SCD5: variants seen among roughly 807,000 people sequenced by gnomAD.
SCD5 encodes the protein stearoyl-CoA desaturase 5.
Under a neutral mutation model 30.4 loss-of-function variants are expected in SCD5, and 20 were observed. The ratio of observed to expected loss-of-function variants is 0.66; its 90% confidence interval spans 0.46 to 0.96. The LOEUF is 0.96. Ranked by LOEUF, SCD5 falls within the 40% of genes least tolerant of loss-of-function variation. The pLI is 0.00. For missense variants in SCD5, 381 were observed against 443.3 expected, an observed-to-expected ratio of 0.86 and a Z score of 1.26; for synonymous variants, 173 against 176.4, an observed-to-expected ratio of 0.98 and a Z score of 0.16.
At chr4:82,738,041 G>A (rs1720789708) in intron 1 of SCD5, among the ~76,000 whole-genome samples, 1 of 150,120 alleles carries the variant, frequency 6.7e-6, no homozygotes, top group South Asian at 2.1e-4. Context: ...AAAAATAAGA[G>A]CTGTACAAAA....
chr4:82,771,586 C>T (rs1332497577), intron 1 of SCD5, among the ~76,000 whole-genome samples: 3 of 152,114 alleles, frequency 2.0e-5, no homozygotes, highest in Non-Finnish European at 4.4e-5. Flanking sequence ...AAATATTTTG[C>T]TTAAAATCAC....
chr4:82,650,525 G>T (rs912484230), intron 3 of SCD5, among the ~76,000 whole-genome samples: 2 of 152,090 alleles, frequency 1.3e-5, no homozygotes, highest in Non-Finnish European at 2.9e-5. Context: ...GCAAAACCGC[G>T]TCTCTACAAA....
At chr4:82,657,583 C>T (rs549688355) in intron 3 of SCD5, among the ~76,000 whole-genome samples, 30 of 152,286 alleles carry the variant, frequency 2.0e-4, no homozygotes, top group African/African-American at 7.2e-4. Flanking sequence ...GTTATACAGG[C>T]TCTTTTTTGG....
chr4:82,767,066 C>T (rs1281924077), intron 1 of SCD5, among the ~76,000 whole-genome samples: 1 of 152,158 alleles, frequency 6.6e-6, no homozygotes, highest in Non-Finnish European at 1.5e-5. Context: ...GTTTTCCATT[C>T]CGGCTGGTGG....
At chr4:82,761,214 A>G (rs548172992) in intron 1 of SCD5, among the ~76,000 whole-genome samples, 1 of 152,374 alleles carries the variant, frequency 6.6e-6, no homozygotes, top group Non-Finnish European at 1.5e-5. Flanking sequence ...AACTGCTGCC[A>G]CTATTCTCAT....
rs756050259 is a variant in SCD5, at chr4:82,680,751, G to A, written c.525C>T (p.Asp175=). 2.6e-5 allele frequency: 42 copies of A among 1,613,986 alleles called. No individual in the cohort carries two copies. The Admixed American group carries it at 2.8e-4, about 11-fold the overall frequency. The part of the protein sequence containing the change: ...RDVIEKGRKL[D]VTDLLADPVV... Reference sequence around the variant, plus strand: ...CAGGATCAGCAAGCAGGTCAGTGACGTCAAGCTTTCTCCCCTTCTCAATAA... The same window carrying A: ...CAGGATCAGCAAGCAGGTCAGTGACATCAAGCTTTCTCCCCTTCTCAATAA... The change falls in exon 3 of 5, where the codon GAC becomes GAT. Residue 175 remains aspartate, a synonymous_variant. Transcript: ENST00000319540.
intron 3 of SCD5, among the ~76,000 whole-genome samples, chr4:82,666,166 A>G (rs1396730363): frequency 6.6e-6 from 1 of 152,194 alleles, no homozygotes; most frequent in East Asian, 1.9e-4. Context: ...ATGTCTTACC[A>G]TATGGGAAAA....
At chr4:82,694,645 G>C (rs536240349) in intron 2 of SCD5, among the ~76,000 whole-genome samples, 1 of 150,232 alleles carries the variant, frequency 6.7e-6, no homozygotes, top group South Asian at 2.1e-4. Flanking sequence ...TGGCAACTTT[G>C]AATCAATAAC....
chr4:82,698,108 C>A (rs1324042195), intron 2 of SCD5: 2 of 456,590 alleles, frequency 4.4e-6, no homozygotes, highest in South Asian at 3.1e-5. Context: ...AGAAAACCAA[C>A]AACACCCACC....
chr4:82,720,441 T>TACAAAAAAAAAAAAAAA lies in SCD5; in HGVS notation c.233-15029_233-15028insTTTTTTTTTTTTTTTGT, dbSNP rs778480466. Among the ~76,000 whole-genome samples the TACAAAAAAAAAAAAAAA allele has an allele frequency of 6.4e-3, 496 of 77,400 alleles. 21 individuals are homozygous for TACAAAAAAAAAAAAAAA. Among genetic ancestry groups the TACAAAAAAAAAAAAAAA allele is most frequent in the Non-Finnish European group, 7.1e-3 (300 of 42,034 alleles). The allele number at this position is 77,400 out of a possible 152,430, so 50.8% of individuals were successfully genotyped here. On this transcript the variant is annotated intron_variant, in intron 1 of 4. Transcript: ENST00000319540. ...GATGCTGTCTCAAAAAAGGCAAAAA[T>TACAAAAAAAAAAAAAAA]AAAAAAAAAAAAAAAAAAAAAAGAC...
At chr4:82,738,457 ATTAT>A (rs560089318) in intron 1 of SCD5, among the ~76,000 whole-genome samples, 8 of 152,228 alleles carry the variant, frequency 5.3e-5, no homozygotes, top group African/African-American at 1.7e-4. Flanking sequence ...ATGGCTTTTG[ATTAT>A]TTATTTTTTT....
intron 3 of SCD5, among the ~76,000 whole-genome samples, chr4:82,670,341 A>G (rs1560529541): frequency 6.6e-6 from 1 of 152,046 alleles, no homozygotes; most frequent in Non-Finnish European, 1.5e-5. Context: ...CAAAGAAATG[A>G]TAGAGATAAA....
intron 4 of SCD5, among the ~76,000 whole-genome samples, chr4:82,635,717 G>A (rs1432825508): frequency 1.3e-5 from 2 of 151,196 alleles, no homozygotes; most frequent in African/African-American, 2.4e-5. Context: ...TAATGACCCA[G>A]GAGGAGGTAA....
chr4:82,663,657 T>G (rs934859300), intron 3 of SCD5, among the ~76,000 whole-genome samples: 1 of 152,222 alleles, frequency 6.6e-6, no homozygotes, highest in African/African-American at 2.4e-5. Flanking sequence ...AATGGAACAC[T>G]AGGCATAAAT....
chr4:82,696,748 TA>T (rs950235056), intron 2 of SCD5, among the ~76,000 whole-genome samples: 1 of 152,156 alleles, frequency 6.6e-6, no homozygotes, highest in Non-Finnish European at 1.5e-5. Context: ...AGCAGCAGCA[TA>T]AGAGTGTCTG....
intron 1 of SCD5, among the ~76,000 whole-genome samples, chr4:82,730,830 T>C (rs1434242905): frequency 1.3e-5 from 2 of 152,050 alleles, no homozygotes; most frequent in East Asian, 1.9e-4. Flanking sequence ...GTAATCCGCT[T>C]GCCTCGGCCT....
chr4:82,734,389 G>A (rs572151125), intron 1 of SCD5, among the ~76,000 whole-genome samples: 1 of 152,238 alleles, frequency 6.6e-6, no homozygotes, highest in African/African-American at 2.4e-5. Context: ...GACTTTCTCC[G>A]ACATCCACTC....
chr4:82,719,628 C>T lies in SCD5; in HGVS notation c.233-14215G>A, dbSNP rs571239446. Among the ~76,000 whole-genome samples, 121 of 150,730 alleles carry T rather than the reference C, an allele frequency of 8.0e-4. No individual in the cohort carries two copies. In the East Asian group the frequency reaches 9.1e-3, roughly 11 times the overall value. ...ACGCCATTCTCCTGCCTCAGCCTCCCGAGTAGCTGGGACTACAGGGGCCCG... is the reference window on the plus strand; with the variant it reads ...ACGCCATTCTCCTGCCTCAGCCTCCTGAGTAGCTGGGACTACAGGGGCCCG... On this transcript the variant is annotated intron_variant, in intron 1 of 4. Coordinates refer to ENST00000319540, the MANE Select transcript of SCD5 (RefSeq NM_001037582.3).
intron 2 of SCD5, among the ~76,000 whole-genome samples, chr4:82,694,833 T>C (rs1719662675): frequency 6.6e-6 from 1 of 152,198 alleles, no homozygotes; most frequent in Non-Finnish European, 1.5e-5. Context: ...AGAAAATCCA[T>C]GCATTTAAGT....
Sources: allele counts gnomAD v4.1 joint callset (sites outside exome capture counted in the v4.1 genomes callset), GRCh38; gene constraint gnomAD v4.1.1; transcripts MANE v1.5; gene names NCBI Gene and HGNC (gene_info 2026-07-23, HGNC 2026-07-21).